Variants in SV2C observed in about 807,000 individuals in gnomAD.
The protein encoded by SV2C is synaptic vesicle glycoprotein 2C.
Under a neutral mutation model 79.7 loss-of-function variants are expected in SV2C, and 49 were observed. That is an observed-to-expected ratio of 0.61 (90% CI 0.49 to 0.78). The LOEUF is 0.78. Among genes scored for constraint, SV2C ranks in the 30% least tolerant of loss-of-function variants. SV2C has a pLI of 0.00. For synonymous variants in SV2C, 334 were observed against 333.2 expected, an observed-to-expected ratio of 1.00 and a Z score of -0.03; for missense variants, 833 against 912.9, an observed-to-expected ratio of 0.91 and a Z score of 1.13.
intron 2 of SV2C, among the ~76,000 whole-genome samples, chr5:76,175,110 G>A (rs184377741): frequency 5.3e-5 from 8 of 152,282 alleles, no homozygotes; most frequent in African/African-American, 1.4e-4. Flanking sequence ...AACACTACAC[G>A]GAAAAGAGAT....
chr5:76,252,918 C>T (rs923021424), intron 4 of SV2C, among the ~76,000 whole-genome samples: 1 of 152,200 alleles, frequency 6.6e-6, no homozygotes, highest in African/African-American at 2.4e-5. Context: ...CCCTCCACTT[C>T]ATGTTATTAA....
chr5:75,979,344 A>C, the SV2C span, among the ~76,000 whole-genome samples: 1 of 152,140 alleles, frequency 6.6e-6, no homozygotes, highest in African/African-American at 2.4e-5. Flanking sequence ...ATTAACAGAA[A>C]TATTCATGAC....
At chr5:76,304,939 C>A (rs1316840662) in intron 12 of SV2C, among the ~76,000 whole-genome samples, 2 of 152,154 alleles carry the variant, frequency 1.3e-5, no homozygotes, top group African/African-American at 2.4e-5. Context: ...CATGGTTCTG[C>A]AGACTATACA....
intron 12 of SV2C, among the ~76,000 whole-genome samples, chr5:76,302,761 C>A (rs1191683454): frequency 6.6e-6 from 1 of 151,800 alleles, no homozygotes; most frequent in Non-Finnish European, 1.5e-5. Flanking sequence ...AGAAGCTCTG[C>A]TTTACCATTT....
At chr5:76,253,073 G>A (rs1004644779) in intron 4 of SV2C, among the ~76,000 whole-genome samples, 23 of 152,122 alleles carry the variant, frequency 1.5e-4, no homozygotes, top group Non-Finnish European at 3.4e-4. Flanking sequence ...AGAGCTTGTG[G>A]TCACAGGACT....
chr5:76,057,904 A>C, the SV2C span, among the ~76,000 whole-genome samples: 4 of 152,090 alleles, frequency 2.6e-5, no homozygotes. Context: ...GTTTATGAAT[A>C]ATTTGAATTA....
At chr5:76,184,518 G>A (rs1041045518) in intron 2 of SV2C, among the ~76,000 whole-genome samples, 4 of 152,172 alleles carry the variant, frequency 2.6e-5, no homozygotes, top group African/African-American at 9.7e-5. Flanking sequence ...AAAGAAAAGA[G>A]GTTTAATTGA....
intron 12 of SV2C, among the ~76,000 whole-genome samples, chr5:76,324,381 T>C (rs1004327080): frequency 6.6e-6 from 1 of 152,182 alleles, no homozygotes; most frequent in Non-Finnish European, 1.5e-5. Flanking sequence ...GAGAAACTGC[T>C]CAATTTTTCT....
intron 2 of SV2C, among the ~76,000 whole-genome samples, chr5:76,139,719 A>G (rs927772767): frequency 1.3e-5 from 2 of 151,990 alleles, no homozygotes; most frequent in Admixed American, 6.6e-5. Context: ...AACATCTGCA[A>G]TATTAGCTAG....
intron 12 of SV2C, among the ~76,000 whole-genome samples, chr5:76,319,400 A>G (rs902534888): frequency 2.6e-5 from 4 of 152,200 alleles, no homozygotes; most frequent in Non-Finnish European, 5.9e-5. Context: ...CCTGGGCCAC[A>G]GAGCGAGACT....
At chr5:76,095,955 A>G (rs1337201086) in intron 1 of SV2C, among the ~76,000 whole-genome samples, 1 of 152,146 alleles carries the variant, frequency 6.6e-6, no homozygotes, top group Admixed American at 6.5e-5. Flanking sequence ...ATGAATTCTG[A>G]TTTGAATTTT....
the SV2C span, among the ~76,000 whole-genome samples, chr5:75,999,569 CAGG>C: frequency 6.6e-6 from 1 of 151,724 alleles, no homozygotes; most frequent in African/African-American, 2.4e-5. Flanking sequence ...AGTTTGAGAG[CAGG>C]AGAAGATAAG....
Position 76,321,746 on chromosome 5 carries a change from GAAA to G in SV2C, c.2001-3603_2001-3601del, listed in dbSNP as rs5868820. On this transcript the variant is annotated intron_variant, in intron 12 of 12. Coordinates refer to ENST00000502798, the MANE Select transcript of SV2C (RefSeq NM_014979.4). Reference sequence around the variant, plus strand: ...ACATGAGCGAGACCCTATCATCTCTGAAAAAAAAAAAAAAAAATTAAGTTTTCT... The same window carrying G: ...ACATGAGCGAGACCCTATCATCTCTGAAAAAAAAAAAAAATTAAGTTTTCT... Among the ~76,000 whole-genome samples, 27 of 132,678 alleles carry G rather than the reference GAAA, an allele frequency of 2.0e-4. No individual in the cohort carries two copies. The South Asian group carries it at 5.4e-3, about 27-fold the overall frequency. 87.0% of individuals were successfully genotyped at this position (132,678 alleles called of 152,430 possible).
chr5:76,336,429 G>T (rs1426158792), downstream of SV2C, among the ~76,000 whole-genome samples: 1 of 150,560 alleles, frequency 6.6e-6, no homozygotes, highest in Non-Finnish European at 1.5e-5. Context: ...AGGCAGAGGG[G>T]CTCCCCACGT....
chr5:76,148,803 G>A (rs1749514080), intron 2 of SV2C, among the ~76,000 whole-genome samples: 1 of 152,190 alleles, frequency 6.6e-6, no homozygotes, highest in Non-Finnish European at 1.5e-5. Context: ...TGTCCCCACA[G>A]CCTACTTGCC....
At chr5:76,120,368 T>TTTA (rs977896371) in intron 1 of SV2C, among the ~76,000 whole-genome samples, 1 of 151,770 alleles carries the variant, frequency 6.6e-6, no homozygotes, top group Non-Finnish European at 1.5e-5. Flanking sequence ...TTTCTCTTTT[T>TTTA]TTATTATTAT....
At chr5:75,867,326 C>G in the SV2C span, among the ~76,000 whole-genome samples, 1 of 152,130 alleles carries the variant, frequency 6.6e-6, no homozygotes, top group Admixed American at 6.5e-5. Flanking sequence ...AGCCAATACC[C>G]AACACAAGAC....
chr5:76,289,689 G>A (rs1308470081), intron 6 of SV2C, among the ~76,000 whole-genome samples: 4 of 152,156 alleles, frequency 2.6e-5, no homozygotes, highest in East Asian at 3.9e-4. Flanking sequence ...TTCAGGAATC[G>A]CGAACTCTTT....
At chr5:76,163,865 G>A (rs1426269468) in intron 2 of SV2C, among the ~76,000 whole-genome samples, 2 of 152,098 alleles carry the variant, frequency 1.3e-5, no homozygotes, top group African/African-American at 4.8e-5. Context: ...ATAAACTCAG[G>A]CTCAGGGCAA....
Sources: allele counts gnomAD v4.1 joint callset (sites outside exome capture counted in the v4.1 genomes callset), GRCh38; gene constraint gnomAD v4.1.1; transcripts MANE v1.5; gene names NCBI Gene and HGNC (gene_info 2026-07-23, HGNC 2026-07-21).